Variants in OR3A3 observed in about 807,000 individuals in gnomAD.
The protein encoded by OR3A3 is olfactory receptor 3A3.
For missense variants in OR3A3, 275 were observed against 391.4 expected (o/e 0.70, Z 2.51); for synonymous variants, 103 against 163.9 (o/e 0.63, Z 2.84).
intron 2 of OR3A3, among the ~76,000 whole-genome samples, chr17:3,419,252 G>A (rs1261101094): frequency 1.3e-5 from 2 of 152,180 alleles, no homozygotes; most frequent in East Asian, 1.9e-4. Context: ...AGAATCATGA[G>A]TATCTTCTCT....
chr17:3,421,059 C>T (rs1354761038), exon 3 of OR3A3: 13 of 1,614,050 alleles, frequency 8.1e-6, no homozygotes, highest in South Asian at 4.4e-5. Context: ...CCTTCACCAA[C>T]GCACTGACCC....
At chr17:3,419,656 A>T (rs1350352801) in intron 2 of OR3A3, among the ~76,000 whole-genome samples, 1 of 152,188 alleles carries the variant, frequency 6.6e-6, no homozygotes, top group Non-Finnish European at 1.5e-5. Context: ...TCATCAATTA[A>T]AAATAAATTA....
At chr17:3,422,663 A>T (rs370872669) in exon 3 of OR3A3, 1 of 152,302 alleles carries the variant, frequency 6.6e-6, no homozygotes, top group Non-Finnish European at 1.5e-5. Context: ...GATTCTCTCC[A>T]GCCCCTCTAG....
At chr17:3,417,320 A>C (rs1408823112) in intron 2 of OR3A3, among the ~76,000 whole-genome samples, 1 of 152,112 alleles carries the variant, frequency 6.6e-6, no homozygotes. Context: ...TAACATGAAC[A>C]TATCTTTTGA....
At chr17:3,418,459 A>G (rs1355889752) in intron 2 of OR3A3, among the ~76,000 whole-genome samples, 1 of 152,192 alleles carries the variant, frequency 6.6e-6, no homozygotes, top group African/African-American at 2.4e-5. Flanking sequence ...AGTCTCACCT[A>G]AACACTACAC....
chr17:3,420,731 TG>T lies in OR3A3; in HGVS notation c.148del (p.Ala50GlnfsTer69), dbSNP rs1381488076. On this transcript the variant is annotated frameshift_variant, in exon 3 of 3. Transcript: ENST00000641141. LOFTEE classifies it low-confidence loss of function (END_TRUNC). The stretch of plus-strand genomic sequence containing the variant: ...ACAACTGGGGGCAACCTCAGCATCC[TG>T]GCAGCCGTCTTGGTGGAGCCCAAAC... 1 of 1,437,880 alleles carries T rather than the reference TG, an allele frequency of 7.0e-7. No homozygotes were observed. Among genetic ancestry groups the T allele is most frequent in the East Asian group, 2.4e-5 (1 of 42,508 alleles). The allele number at this position is 1,437,880 out of a possible 1,614,324, so 89.1% of individuals were successfully genotyped here.
intron 2 of OR3A3, among the ~76,000 whole-genome samples, chr17:3,418,544 G>A (rs1597375803): frequency 6.6e-6 from 1 of 152,246 alleles, no homozygotes; most frequent in South Asian, 2.1e-4. Flanking sequence ...GACCAAAGAA[G>A]ACCATGCCAC....
chr17:3,418,479 G>T (rs1473365666), intron 2 of OR3A3, among the ~76,000 whole-genome samples: 4 of 152,190 alleles, frequency 2.6e-5, no homozygotes, highest in African/African-American at 9.7e-5. Context: ...CAATCAGCTT[G>T]CCTGGGTGGC....
exon 3 of OR3A3, chr17:3,423,596 A>T (rs1178345556): frequency 6.6e-6 from 1 of 152,244 alleles, no homozygotes; most frequent in Non-Finnish European, 1.5e-5. Flanking sequence ...AAATCCAATT[A>T]TTCCTTCACC....
chr17:3,413,828 A>C (rs1405521938), intron 2 of OR3A3, among the ~76,000 whole-genome samples: 2 of 118,478 alleles, frequency 1.7e-5, no homozygotes, highest in African/African-American at 6.6e-5. Flanking sequence ...CTCAAAAAAA[A>C]ACAAAAAAAC....
In OR3A3 at chr17:3,421,453, CCA is replaced by C. The variant is rs1322969261; in HGVS notation, c.870_871del (p.Leu291TyrfsTer8). Reference sequence around the variant, plus strand: ...GACTGTGATCAACCCCATGCTGAACCCACTTATCTACAGCCTCAGAAATACTG... The same window carrying C: ...GACTGTGATCAACCCCATGCTGAACCCTTATCTACAGCCTCAGAAATACTG... On this transcript the variant is annotated frameshift_variant, in exon 3 of 3. Coordinates refer to ENST00000641141, the Ensembl canonical transcript of OR3A3. LOFTEE classifies it low-confidence loss of function (END_TRUNC). The C allele has an allele frequency of 1.3e-6, 2 of 1,593,256 alleles. No individual in the cohort carries two copies. The highest frequency in any genetic ancestry group is 2.3e-5 in the South Asian group (2 of 88,074).
intron 1 of OR3A3, 85 bp from the exon 2 acceptor site, chr17:3,411,893 A>C (rs2072364266): frequency 6.6e-6 from 1 of 151,914 alleles, no homozygotes; most frequent in South Asian, 2.1e-4. Context: ...AAATACCAGA[A>C]GGTGTGAGGC....
chr17:3,422,185 A>T (rs1302290277), exon 3 of OR3A3: 8 of 152,118 alleles, frequency 5.3e-5, no homozygotes, highest in African/African-American at 1.9e-4. Context: ...ACCTCCCATA[A>T]AATCAGTTCC....
At chr17:3,413,305 C>T (rs962262020) in intron 2 of OR3A3, among the ~76,000 whole-genome samples, 13 of 152,084 alleles carry the variant, frequency 8.5e-5, no homozygotes, top group Admixed American at 2.6e-4. Context: ...AAGATGAGTT[C>T]AGCAGCCAGC....
At chr17:3,419,802 C>G (rs976647496) in intron 2 of OR3A3, among the ~76,000 whole-genome samples, 3 of 144,084 alleles carry the variant, frequency 2.1e-5, no homozygotes. Context: ...GGCGCGATCT[C>G]GGCTCACTGC....
At chr17:3,415,065 G>T (rs746650226) in intron 2 of OR3A3, among the ~76,000 whole-genome samples, 4 of 152,020 alleles carry the variant, frequency 2.6e-5, no homozygotes, top group African/African-American at 7.2e-5. Context: ...CATATTTTAA[G>T]TATACAGTTT....
At chr17:3,423,207 T>A (rs1013062063) in exon 3 of OR3A3, 1 of 152,240 alleles carries the variant, frequency 6.6e-6, no homozygotes, top group Non-Finnish European at 1.5e-5. Flanking sequence ...CCACGGTTCC[T>A]CACATTTAAT....
chr17:3,418,624 C>T (rs1443114074), intron 2 of OR3A3, among the ~76,000 whole-genome samples: 1 of 152,192 alleles, frequency 6.6e-6, no homozygotes, highest in Non-Finnish European at 1.5e-5. Flanking sequence ...AAAGCAGTCA[C>T]ATCAACCATA....
At chr17:3,411,858 C>T (rs796122726) in intron 1 of OR3A3, 120 bp from the exon 2 acceptor site, 5 of 152,362 alleles carry the variant, frequency 3.3e-5, no homozygotes, top group African/African-American at 1.2e-4. Context: ...GGGCTAGAGG[C>T]AAAGCCTTCC....
Sources: allele counts gnomAD v4.1 joint callset (sites outside exome capture counted in the v4.1 genomes callset), GRCh38; gene constraint gnomAD v4.1.1; transcripts MANE v1.5; gene names NCBI Gene and HGNC (gene_info 2026-07-23, HGNC 2026-07-21).